Variants in CNTNAP1 observed in about 807,000 individuals in gnomAD.
The protein encoded by CNTNAP1 is contactin associated protein 1.
A neutral mutation model predicts 161.5 loss-of-function variants in CNTNAP1; 80 were observed. The observed-to-expected ratio is 0.50, with a 90% confidence interval of 0.41 to 0.60. CNTNAP1 has a LOEUF of 0.60. Ranked by LOEUF, CNTNAP1 falls within the 20% of genes least tolerant of loss-of-function variation. CNTNAP1 has a pLI of 0.00. For synonymous variants in CNTNAP1, 695 were observed against 733.1 expected, an observed-to-expected ratio of 0.95 and a Z score of 0.84; for missense variants, 1,464 against 1,854.8, an observed-to-expected ratio of 0.79 and a Z score of 3.87.
At chr17:42,693,820 G>A (rs149167535) in intron 18 of CNTNAP1, among the ~76,000 whole-genome samples, 629 of 152,062 alleles carry the variant, frequency 4.1e-3, no homozygotes, top group Middle Eastern at 0.01. Context: ...CTAGGAGTTC[G>A]AGACCAGCCT....
rs1223243738 is a variant in CNTNAP1 at position 42,691,646 on chromosome 17, C to G, written c.2344+135C>G. ...CCTGCTGTGATGCGATCTCATTACC[C>G]CTCTGCACCTGGCTCCTCTTTCATT... On this transcript the variant is annotated intron_variant, in intron 15 of 23. Transcript: ENST00000264638. This position sits in a 1 kb window ranked among gnomAD's most constrained non-coding sequence, Gnocchi z 4.3. 7.3e-7 allele frequency: 1 copy of G among 1,378,422 alleles called. No homozygotes were observed. The highest frequency in any genetic ancestry group is 1.4e-5 in the African/African-American group (1 of 69,780). The allele number at this position is 1,378,422 out of a possible 1,614,324, so 85.4% of individuals were successfully genotyped here. A position where few individuals can be genotyped will look rare whatever the true frequency, so the allele number is the denominator to read the frequency against.
chr17:42,685,486 G>T lies in CNTNAP1; in HGVS notation c.715+66G>T. 3 of 1,471,708 alleles carry T rather than the reference G, an allele frequency of 2.0e-6. No individual in the cohort carries two copies. Among genetic ancestry groups the T allele is most frequent in the East Asian group, 2.4e-5 (1 of 41,366 alleles). The allele number at this position is 1,471,708 out of a possible 1,614,324, so 91.2% of individuals were successfully genotyped here. ...AAGCTCTCTCACCGCCCTCCTCGTGGCACCTCCTCCGCGCATCCGCGCTCA... is the reference window on the plus strand; with the variant it reads ...AAGCTCTCTCACCGCCCTCCTCGTGTCACCTCCTCCGCGCATCCGCGCTCA... On this transcript the variant is annotated intron_variant, in intron 5 of 23. Transcript: ENST00000264638. This position sits in a 1 kb window ranked among gnomAD's most constrained non-coding sequence, Gnocchi z 5.0.
rs758431189 is a variant in CNTNAP1, at chr17:42,693,474, G to A, written c.2930G>A (p.Arg977His). The A allele has an allele frequency of 1.2e-5, 19 of 1,614,086 alleles. No individual in the cohort carries two copies. Among genetic ancestry groups the A allele is most frequent in the East Asian group, 4.5e-5 (2 of 44,880 alleles). Residue 977 changes from arginine (R) to histidine (H), a missense_variant, in exon 18 of 24, where the codon CGC becomes CAC. Physicochemically the swap from Arg to His is conservative, Grantham distance 29. Around this residue, in one of 3 missense-constraint regions of CNTNAP1, gnomAD observed 1,383 missense variants for 1,765.0 expected, o/e 0.78. Transcript: ENST00000264638. ...TTCCATGGAGGCCGCTGCGTGGAGCGCTATAGCTACTACACGTGTGACTGT... is the reference window on the plus strand; with the variant it reads ...TTCCATGGAGGCCGCTGCGTGGAGCACTATAGCTACTACACGTGTGACTGT... The part of the protein sequence containing the change: ...PCFHGGRCVE[R>H]YSYYTCDCDL...
intron 17 of CNTNAP1, among the ~76,000 whole-genome samples, chr17:42,692,949 ATTTCT>A (rs1331706290): frequency 2.8e-5 from 4 of 144,452 alleles, no homozygotes; most frequent in African/African-American, 1.0e-4. Context: ...CTCTGCCTCC[ATTTCT>A]TTTCTTTTTT....
Position 42,682,632 on chromosome 17 carries a change from A to G in CNTNAP1, c.-198A>G, listed in dbSNP as rs1017347979. On this transcript the variant is annotated 5_prime_UTR_variant, in exon 1 of 24. Transcript: ENST00000264638. ...GAGAGAGAAGAGCGGAGGACCAGGAACCAGAGAGAGAGAGAGAGAAAAGAG... is the reference window on the plus strand; with the variant it reads ...GAGAGAGAAGAGCGGAGGACCAGGAGCCAGAGAGAGAGAGAGAGAAAAGAG... The G allele has an allele frequency of 5.0e-6, 3 of 597,332 alleles. No individual in the cohort carries two copies. The South Asian group carries it at 5.8e-5, about 12-fold the overall frequency. 37.0% of individuals were successfully genotyped at this position (597,332 alleles called of 1,614,324 possible). A position where few individuals can be genotyped will look rare whatever the true frequency, so the allele number is the denominator to read the frequency against.
At position 42,687,177 on chromosome 17, in the gene CNTNAP1, T is replaced by C; in HGVS notation, c.1044+131T>C. 7.5e-7 allele frequency: 1 copy of C among 1,334,578 alleles called. No homozygotes were observed. The highest frequency in any genetic ancestry group is 1.5e-5 in the African/African-American group (1 of 68,760). 82.7% of individuals were successfully genotyped at this position (1,334,578 alleles called of 1,614,324 possible). On this transcript the variant is annotated intron_variant, in intron 7 of 23. Transcript: ENST00000264638. The surrounding 1 kb of genome is among the most constrained non-coding windows in gnomAD (Gnocchi z 4.7). The stretch of plus-strand genomic sequence containing the variant: ...CTCTGTCCCCAGCCAGATGCTCAAG[T>C]TGGGAGGGGAGCGGGTCTCACCTGA...
Position 42,691,664 on chromosome 17 carries a change from C to T in CNTNAP1, c.2345-142C>T, listed in dbSNP as rs756073984. ...CATTACCCCTCTGCACCTGGCTCCT[C>T]TTTCATTCCACTCCTTAGTCTCCCC... is the stretch of plus-strand genomic sequence containing the variant. On this transcript the variant is annotated intron_variant, in intron 15 of 23. Coordinates refer to ENST00000264638, the MANE Select transcript of CNTNAP1 (RefSeq NM_003632.3). This position sits in a 1 kb window ranked among gnomAD's most constrained non-coding sequence, Gnocchi z 4.3. 5.8e-5 allele frequency: 80 copies of T among 1,369,028 alleles called. No individual in the cohort carries two copies. Among genetic ancestry groups the T allele is most frequent in the Non-Finnish European group, 8.1e-5 (80 of 984,746 alleles). 84.8% of individuals were successfully genotyped at this position (1,369,028 alleles called of 1,614,324 possible). A position where few individuals can be genotyped will look rare whatever the true frequency, so the allele number is the denominator to read the frequency against.
intron 8 of CNTNAP1, 113 bp downstream of exon 8, chr17:42,688,094 G>C (rs886814570): frequency 6.9e-7 from 1 of 1,455,968 alleles, no homozygotes; most frequent in Non-Finnish European, 9.1e-7. Flanking sequence ...AGGAGTGAAG[G>C]GGGCAGGGCA....
chr17:42,685,365 C>T lies in CNTNAP1; in HGVS notation c.660C>T (p.Gly220=). The T allele has an allele frequency of 2.5e-6, 4 of 1,608,110 alleles. No individual in the cohort carries two copies. Among genetic ancestry groups the T allele is most frequent in the Non-Finnish European group, 1.7e-6 (2 of 1,179,990 alleles). Residue 220 remains glycine, a synonymous_variant, in exon 5 of 24, where the codon GGC becomes GGT. Transcript: ENST00000264638. The surrounding 1 kb of genome is among the most constrained non-coding windows in gnomAD (Gnocchi z 5.0). Reference sequence around the variant, plus strand: ...TGCTGCACGCCGAGGGCGCCCAGGGCGACTACGTGACGCTCGAGCTGGAGG... The same window carrying T: ...TGCTGCACGCCGAGGGCGCCCAGGGTGACTACGTGACGCTCGAGCTGGAGG... ...GLLLHAEGAQ[G]DYVTLELEGA...
rs1175796002 is a variant in CNTNAP1 at position 42,688,866 on chromosome 17, GT to G, written c.1457-8del. On this transcript the variant is annotated splice_polypyrimidine_tract_variant and intron_variant, in intron 9 of 23. Transcript: ENST00000264638. The stretch of plus-strand genomic sequence containing the variant: ...CCCTGGGGAGGATCTCACAGGGGTG[GT>G]TGCTCCAGGTTGTCCCAAGCCAGCC... The G allele has an allele frequency of 6.2e-7, 1 of 1,613,700 alleles. No individual in the cohort carries two copies. Among genetic ancestry groups the G allele is most frequent in the Non-Finnish European group, 8.5e-7 (1 of 1,179,908 alleles).
In CNTNAP1 at chr17:42,699,176, A is replaced by C; in HGVS notation, c.*266A>C. 1.0e-5 allele frequency: 4 copies of C among 392,856 alleles called. No individual in the cohort carries two copies. Among genetic ancestry groups the C allele is most frequent in the East Asian group, 4.1e-5 (1 of 24,110 alleles). The allele number at this position is 392,856 out of a possible 1,614,324, so 24.3% of individuals were successfully genotyped here. A position where few individuals can be genotyped will look rare whatever the true frequency, so the allele number is the denominator to read the frequency against. ...TTATCTGCCCCAAAGGAGAAGCCTC[A>C]TGGGGTTGACATAGGTCCTTTCTGC... On this transcript the variant is annotated 3_prime_UTR_variant, in exon 24 of 24. Transcript: ENST00000264638.
At chr17:42,697,992 C>T (rs1189669674) in intron 23 of CNTNAP1, 42 bp downstream of exon 23, 1 of 1,608,710 alleles carries the variant, frequency 6.2e-7, no homozygotes, top group Non-Finnish European at 8.5e-7. Flanking sequence ...CAAGACTACC[C>T]TCTGACTGTC....
Position 42,691,499 on chromosome 17 carries a change from T to A in CNTNAP1, c.2332T>A (p.Cys778Ser). Residue 778 changes from cysteine (C) to serine (S), a missense_variant, in exon 15 of 24, where the codon TGC becomes AGC. By Grantham distance (112) the Cys-to-Ser change is moderately radical. Transcript: ENST00000264638. The surrounding 1 kb of genome is among the most constrained non-coding windows in gnomAD (Gnocchi z 4.3). ...EAQFFLRPLR[C>S]YGDRNSWNTI... Reference sequence around the variant, plus strand: ...CCAGTTCTTCCTGAGGCCTCTGCGCTGCTATGGCGATCGTGAGTGGCAGTC... The same window carrying A: ...CCAGTTCTTCCTGAGGCCTCTGCGCAGCTATGGCGATCGTGAGTGGCAGTC... 6.2e-7 allele frequency: 1 copy of A among 1,614,032 alleles called. No homozygotes were observed. Among genetic ancestry groups the A allele is most frequent in the South Asian group, 1.1e-5 (1 of 91,076 alleles).
intron 10 of CNTNAP1, 106 bp from the exon 11 acceptor site, chr17:42,689,415 C>CCGGGTT: frequency 2.3e-6 from 2 of 880,702 alleles, no homozygotes; most frequent in Non-Finnish European, 3.6e-6. Context: ...GTGTGTCTCA[C>CCGGGTT]CGGGTTCTGG....
At chr17:42,690,247 ACCAGGAAGGATAGAGTGGTGGGTGGGGG>A in intron 12 of CNTNAP1, 40 bp downstream of exon 12, 1 of 1,610,768 alleles carries the variant, frequency 6.2e-7, no homozygotes, top group Non-Finnish European at 8.5e-7. Context: ...TGAGGGGAGA[ACCAGGAAGGATAGAGTGGTGGGTGGGGG>A]CCAGTTAGAC....
Position 42,688,549 on chromosome 17 carries a change from G to A in CNTNAP1, c.1394G>A (p.Gly465Glu). The A allele has an allele frequency of 6.2e-7, 1 of 1,614,202 alleles. No homozygotes were observed. ...HAVISIDDVE[G>E]AEVRVSYPLL... ...GTTATCAGCATTGATGATGTGGAAG[G>A]GGCAGAGGTCAGGGTCTCATACCCG... is the stretch of plus-strand genomic sequence containing the variant. The change falls in exon 9 of 24, where the codon GGG becomes GAG. Residue 465 changes from glycine to glutamate, a missense_variant. Coordinates refer to ENST00000264638, the MANE Select transcript of CNTNAP1 (RefSeq NM_003632.3).
rs1307393588 is a variant in CNTNAP1, at chr17:42,697,809, C to T, written c.3814+10C>T. ...TGGTATCTGCCCCCAGGTACATTCC[C>T]AGGACACAGAGGACAGAAGGGAGGG... is the stretch of plus-strand genomic sequence containing the variant. On this transcript the variant is annotated intron_variant, in intron 22 of 23. Coordinates refer to ENST00000264638, the MANE Select transcript of CNTNAP1 (RefSeq NM_003632.3). 1.2e-5 allele frequency: 19 copies of T among 1,614,050 alleles called. No homozygotes were observed. The highest frequency in any genetic ancestry group is 1.6e-5 in the Non-Finnish European group (19 of 1,180,036).
chr17:42,693,645 T>C, intron 18 of CNTNAP1, 109 bp downstream of exon 18: 1 of 1,477,400 alleles, frequency 6.8e-7, no homozygotes, highest in Non-Finnish European at 9.2e-7. Flanking sequence ...AAATTAGAGT[T>C]GTCCCTGGAT....
At chr17:42,686,469 G>GTTTTGTTTTTT (rs1555642203) in intron 6 of CNTNAP1, among the ~76,000 whole-genome samples, 1 of 71,362 alleles carries the variant, frequency 1.4e-5, no homozygotes, top group African/African-American at 5.7e-5. Flanking sequence ...AAAAAGGCCT[G>GTTTTGTTTTTT]TTTTTTTTTT....
Sources: allele counts gnomAD v4.1 joint callset (sites outside exome capture counted in the v4.1 genomes callset), GRCh38; gene constraint gnomAD v4.1.1; regional missense constraint gnomAD v4.1.1; non-coding constraint Gnocchi (gnomAD v3.1); transcripts MANE v1.5; gene names NCBI Gene and HGNC (gene_info 2026-07-23, HGNC 2026-07-21).